ZCWPW2: variants seen among roughly 807,000 people sequenced by gnomAD.
ZCWPW2 encodes the protein zinc finger CW-type and PWWP domain containing 2.
In ZCWPW2, 45 loss-of-function variants were observed where a neutral mutation model predicts 46.6. That is an observed-to-expected ratio of 0.96 (90% CI 0.76 to 1.24). The LOEUF (loss-of-function observed/expected upper bound fraction) is 1.24, where lower values mean the gene tolerates loss of function less well. ZCWPW2 is among the 50% of genes most tolerant of loss of function. ZCWPW2 has a pLI of 0.00. For synonymous variants in ZCWPW2, 152 were observed against 137.1 expected (o/e 1.11, Z -0.76); for missense variants, 429 against 403.9 (o/e 1.06, Z -0.53).
intron 4 of ZCWPW2, among the ~76,000 whole-genome samples, chr3:28,458,344 A>G (rs1276517881): frequency 1.3e-5 from 2 of 152,226 alleles, no homozygotes; most frequent in Non-Finnish European, 2.9e-5. Flanking sequence ...TGTCAGTACT[A>G]TATGAGCATT....
chr3:28,465,176 A>G (rs1230667714), intron 4 of ZCWPW2, among the ~76,000 whole-genome samples: 1 of 152,204 alleles, frequency 6.6e-6, no homozygotes, highest in Non-Finnish European at 1.5e-5. Context: ...AATGTGTTCC[A>G]AACCAAATAT....
chr3:28,514,073 T>C lies in ZCWPW2; in HGVS notation c.667T>C (p.Ser223Pro). 1 of 1,511,178 alleles carries C rather than the reference T, an allele frequency of 6.6e-7. No homozygotes were observed. Among genetic ancestry groups the C allele is most frequent in the African/African-American group, 1.4e-5 (1 of 72,316 alleles). 93.6% of individuals were successfully genotyped at this position (1,511,178 alleles called of 1,614,324 possible). A position where few individuals can be genotyped will look rare whatever the true frequency, so the allele number is the denominator to read the frequency against. ...TGTTTTTGTGTTATAGAAGCAGACTTCTAAAAATAATATTGAAAAGAAGAA... is the reference window on the plus strand; with the variant it reads ...TGTTTTTGTGTTATAGAAGCAGACTCCTAAAAATAATATTGAAAAGAAGAA... ...AALVKKRKQTSKNNIEKKKPK... is the reference protein window; with the variant it reads ...AALVKKRKQTPKNNIEKKKPK... The change falls in exon 7 of 10, where the codon TCT becomes CCT. Residue 223 changes from serine to proline, a missense_variant. Transcript: ENST00000383768.
chr3:28,443,937 C>T (rs964447144), intron 4 of ZCWPW2, among the ~76,000 whole-genome samples: 17 of 152,148 alleles, frequency 1.1e-4, no homozygotes, highest in African/African-American at 4.1e-4. Flanking sequence ...ACCCCTTCCT[C>T]TACATTGAAC....
chr3:28,433,095 A>ACC (rs1200890178), intron 3 of ZCWPW2, among the ~76,000 whole-genome samples: 2 of 149,600 alleles, frequency 1.3e-5, no homozygotes, highest in East Asian at 2.0e-4. Context: ...ATATTCTTAC[A>ACC]CACACACACA....
At chr3:28,370,261 T>C (rs1400596424) in intron 1 of ZCWPW2, among the ~76,000 whole-genome samples, 1 of 152,190 alleles carries the variant, frequency 6.6e-6, no homozygotes, top group Non-Finnish European at 1.5e-5. Context: ...CGCTGGGAAC[T>C]GTAGACTGGA....
chr3:28,390,426 A>C, intron 1 of ZCWPW2, 72 bp from the exon 2 acceptor site: 1 of 960,916 alleles, frequency 1.0e-6, no homozygotes, highest in Non-Finnish European at 1.2e-6. Flanking sequence ...ATTTCAAATA[A>C]TTCTTTATTA....
chr3:28,482,123 T>TA (rs1263494116), intron 5 of ZCWPW2, among the ~76,000 whole-genome samples: 1 of 152,202 alleles, frequency 6.6e-6, no homozygotes, highest in Non-Finnish European at 1.5e-5. Context: ...TTCACTGCTC[T>TA]AAAAATCCTT....
At chr3:28,387,170 C>A (rs1157784920) in intron 1 of ZCWPW2, among the ~76,000 whole-genome samples, 1 of 152,126 alleles carries the variant, frequency 6.6e-6, no homozygotes, top group African/African-American at 2.4e-5. Context: ...TTCCCAGATC[C>A]CTCCAATATT....
intron 2 of ZCWPW2, among the ~76,000 whole-genome samples, chr3:28,411,370 T>TA (rs1696390414): frequency 6.6e-6 from 1 of 151,786 alleles, no homozygotes; most frequent in African/African-American, 2.4e-5. Flanking sequence ...GGTAAGCTGG[T>TA]AATAGAAGGA....
At chr3:28,391,799 C>T (rs1243574250) in intron 2 of ZCWPW2, among the ~76,000 whole-genome samples, 1 of 152,114 alleles carries the variant, frequency 6.6e-6, no homozygotes, top group Non-Finnish European at 1.5e-5. Flanking sequence ...TCACCCTCAT[C>T]CCCTAAGAAG....
chr3:28,493,159 T>TA (rs1424865042), intron 6 of ZCWPW2, among the ~76,000 whole-genome samples: 6 of 146,458 alleles, frequency 4.1e-5, no homozygotes, highest in African/African-American at 7.5e-5. Flanking sequence ...TGTTTTTTTT[T>TA]TTATTATACT....
At position 28,478,936 on chromosome 3, in the gene ZCWPW2, A is replaced by T; in HGVS notation, c.610+5A>T. On this transcript the variant is annotated splice_donor_5th_base_variant and intron_variant, in intron 5 of 9. Transcript: ENST00000383768. Reference sequence around the variant, plus strand: ...GCTGCCTATCAAAACTACAAGGTGTATAAATATTTTTTCTTTATTACTCTG... The same window carrying T: ...GCTGCCTATCAAAACTACAAGGTGTTTAAATATTTTTTCTTTATTACTCTG... 6.5e-7 allele frequency: 1 copy of T among 1,529,796 alleles called. No homozygotes were observed. Among genetic ancestry groups the T allele is most frequent in the East Asian group, 2.4e-5 (1 of 42,536 alleles). 94.8% of individuals were successfully genotyped at this position (1,529,796 alleles called of 1,614,324 possible). A position where few individuals can be genotyped will look rare whatever the true frequency, so the allele number is the denominator to read the frequency against.
intron 3 of ZCWPW2, among the ~76,000 whole-genome samples, chr3:28,426,577 T>G (rs940105795): frequency 6.6e-6 from 1 of 152,324 alleles, no homozygotes; most frequent in South Asian, 2.1e-4. Flanking sequence ...CTGGATCCTT[T>G]CAGTATTATA....
At chr3:28,375,934 T>A (rs551095617) in intron 1 of ZCWPW2, among the ~76,000 whole-genome samples, 2 of 150,836 alleles carry the variant, frequency 1.3e-5, no homozygotes, top group Non-Finnish European at 3.0e-5. Context: ...AATAACATAA[T>A]GTCCAGTTCC....
rs1465583662 is a variant in ZCWPW2, at chr3:28,437,198, A to C, written c.492+1929A>C. ...AGAGGAGAAGTATGTAAATTGTACA[A>C]GTTGTCTGATCACTTTTTCTAAAAC... On this transcript the variant is annotated intron_variant, in intron 4 of 9. Transcript: ENST00000383768. Among the ~76,000 whole-genome samples, 8 of 152,220 alleles carry C rather than the reference A, an allele frequency of 5.3e-5. No individual in the cohort carries two copies. The East Asian group carries it at 1.2e-3, about 22-fold the overall frequency.
chr3:28,350,187 A>G (rs1198814186), intron 1 of ZCWPW2, among the ~76,000 whole-genome samples: 2 of 152,186 alleles, frequency 1.3e-5, no homozygotes, highest in African/African-American at 2.4e-5. Context: ...TAAAACAACC[A>G]TTAGGTGTAT....
chr3:28,472,870 T>C (rs753325057), intron 4 of ZCWPW2, among the ~76,000 whole-genome samples: 1 of 151,144 alleles, frequency 6.6e-6, no homozygotes, highest in Non-Finnish European at 1.5e-5. Context: ...CTCAAACAGT[T>C]CTATAGGAAA....
chr3:28,473,407 A>G (rs1315829230), intron 4 of ZCWPW2, among the ~76,000 whole-genome samples: 6 of 152,084 alleles, frequency 3.9e-5, no homozygotes, highest in Admixed American at 3.3e-4. Flanking sequence ...CCCGGGAGGC[A>G]GAGGCTGCAC....
chr3:28,432,579 A>G (rs1450476167), intron 3 of ZCWPW2, among the ~76,000 whole-genome samples: 1 of 152,090 alleles, frequency 6.6e-6, no homozygotes, highest in Non-Finnish European at 1.5e-5. Flanking sequence ...AGAGTGTAGA[A>G]TGATTGGTTA....
Sources: allele counts gnomAD v4.1 joint callset (sites outside exome capture counted in the v4.1 genomes callset), GRCh38; gene constraint gnomAD v4.1.1; transcripts MANE v1.5; gene names NCBI Gene and HGNC (gene_info 2026-07-23, HGNC 2026-07-21).